UBE2G2: variants seen among roughly 807,000 people sequenced by gnomAD.
UBE2G2 encodes the protein ubiquitin conjugating enzyme E2 G2, also known as ubiquitin-conjugating enzyme E2 G2.
A neutral mutation model predicts 23.0 loss-of-function variants in UBE2G2; 10 were observed. The observed-to-expected ratio is 0.43, with a 90% CI of 0.27 to 0.74. UBE2G2 has a LOEUF of 0.74. Among genes scored for constraint, UBE2G2 ranks in the 30% least tolerant of loss-of-function variants. UBE2G2 has a pLI of 0.19. For synonymous variants in UBE2G2, 86 were observed against 81.3 expected (o/e 1.06, Z -0.31); for missense variants, 150 against 218.3 (o/e 0.69, Z 1.97).
chr21:44,796,994 C>T (rs1430281123), intron 1 of UBE2G2, among the ~76,000 whole-genome samples: 4 of 152,320 alleles, frequency 2.6e-5, no homozygotes, highest in East Asian at 1.9e-4. Context: ...GGATCCTTCA[C>T]GGTAATCCAG....
intron 3 of UBE2G2, chr21:44,785,756 A>G (rs2072719705): frequency 6.6e-6 from 1 of 152,218 alleles, no homozygotes; most frequent in African/African-American, 2.4e-5. Context: ...AGGCATTTTA[A>G]GTGCACTTGT....
At chr21:44,779,348 C>G (rs1295688330) in intron 3 of UBE2G2, 2 of 141,930 alleles carry the variant, frequency 1.4e-5, no homozygotes, top group Middle Eastern at 1.0e-3. Context: ...CGAATATGGC[C>G]ACTTTGTTTT....
At position 44,771,316 on chromosome 21, in the gene UBE2G2, T is replaced by C. The variant is rs1020072658; in HGVS notation, c.*61A>G. ...AGCACAGAGCATCACTGTCACTAAG[T>C]GTGCCGGGGGAGAATGCTGAGCTGC... On this transcript the variant is annotated 3_prime_UTR_variant, in exon 6 of 6. Transcript: ENST00000345496. This position sits in a 1 kb window ranked among gnomAD's most constrained non-coding sequence, Gnocchi z 4.6. 9 of 1,480,742 alleles carry C rather than the reference T, an allele frequency of 6.1e-6. No homozygotes were observed. The African/African-American group carries it at 9.7e-5, about 16-fold the overall frequency. 91.7% of individuals were successfully genotyped at this position (1,480,742 alleles called of 1,614,324 possible).
chr21:44,779,025 C>T (rs1555960966), intron 3 of UBE2G2: 1 of 178,670 alleles, frequency 5.6e-6, no homozygotes, highest in Non-Finnish European at 1.2e-5. Flanking sequence ...TTTTAAAAAT[C>T]TTAAAATTAT....
intron 1 of UBE2G2, among the ~76,000 whole-genome samples, chr21:44,792,895 G>C (rs1723671881): frequency 6.6e-6 from 1 of 152,258 alleles, no homozygotes; most frequent in Admixed American, 6.5e-5. Context: ...CCAAAGGCAA[G>C]TGCTGGCCCC....
intron 2 of UBE2G2, 38 bp downstream of exon 2, chr21:44,788,022 A>G: frequency 6.2e-7 from 1 of 1,612,216 alleles, no homozygotes; most frequent in South Asian, 1.1e-5. Flanking sequence ...TTTGGCAATT[A>G]AAAGTAAATT....
At chr21:44,791,495 G>C (rs1235392969) in intron 1 of UBE2G2, among the ~76,000 whole-genome samples, 1 of 152,226 alleles carries the variant, frequency 6.6e-6, no homozygotes, top group Non-Finnish European at 1.5e-5. Context: ...GCTTCAGAGA[G>C]TACAAACCCC....
In UBE2G2 at chr21:44,772,826, CTGTT is replaced by C. The variant is rs1555960104; in HGVS notation, c.385+717_385+720del. ...AGGCTACTGCAACACCACGATGTCT[CTGTT>C]TGTCTTCCATCACACTATTGGTTAC... On this transcript the variant is annotated intron_variant, in intron 5 of 5. Coordinates refer to ENST00000345496, the MANE Select transcript of UBE2G2 (RefSeq NM_003343.6). The surrounding 1 kb of genome is among the most constrained non-coding windows in gnomAD (Gnocchi z 5.4). Among the ~76,000 whole-genome samples, 1 of 152,168 alleles carries C rather than the reference CTGTT, an allele frequency of 6.6e-6. No individual in the cohort carries two copies. Among genetic ancestry groups the C allele is most frequent in the African/African-American group, 2.4e-5 (1 of 41,432 alleles).
chr21:44,788,219 A>T, intron 1 of UBE2G2, 124 bp from the exon 2 acceptor site: 1 of 906,434 alleles, frequency 1.1e-6, no homozygotes, highest in East Asian at 2.7e-5. Context: ...ACAAGTGAAA[A>T]TTCTGTTTGC....
At chr21:44,783,389 A>G (rs1299235426) in intron 3 of UBE2G2, among the ~76,000 whole-genome samples, 3 of 152,144 alleles carry the variant, frequency 2.0e-5, no homozygotes, top group Non-Finnish European at 4.4e-5. Context: ...TTTACTCCAC[A>G]CCCCAGCAAT....
In UBE2G2 at chr21:44,792,527, G is replaced by A. The variant is rs1045575998; in HGVS notation, c.44-4432C>T. 3.3e-5 allele frequency among the ~76,000 whole-genome samples: 5 copies of A among 152,294 alleles called. No homozygotes were observed. The East Asian group carries it at 9.6e-4, about 29-fold the overall frequency. ...GCTCTTCTCTCTCCTACCGCCTTGA[G>A]AAGAGGTCTGTTTCCCTTTCTGCCA... is the stretch of plus-strand genomic sequence containing the variant. On this transcript the variant is annotated intron_variant, in intron 1 of 5. Transcript: ENST00000345496.
At chr21:44,798,297 A>C (rs2083109645) in intron 1 of UBE2G2, among the ~76,000 whole-genome samples, 1 of 152,174 alleles carries the variant, frequency 6.6e-6, no homozygotes, top group African/African-American at 2.4e-5. Flanking sequence ...ATGACTGCTG[A>C]CTGATCAGGG....
intron 3 of UBE2G2, among the ~76,000 whole-genome samples, chr21:44,787,102 AAAG>A (rs1331204731): frequency 3.5e-4 from 54 of 152,156 alleles, no homozygotes; most frequent in African/African-American, 1.0e-3. Flanking sequence ...CAAAAAAAAA[AAAG>A]AAAGAAAGAA....
intron 1 of UBE2G2, among the ~76,000 whole-genome samples, chr21:44,795,203 C>T (rs782610360): frequency 1.3e-5 from 2 of 152,008 alleles, no homozygotes; most frequent in Non-Finnish European, 2.9e-5. Flanking sequence ...GCAGATGTTG[C>T]AGTGAGCTGA....
chr21:44,775,193 C>A (rs73232942), intron 4 of UBE2G2: 12,689 of 154,508 alleles, frequency 0.082, 644 homozygotes, highest in Non-Finnish European at 0.11. Context: ...TCACTTCCTG[C>A]GCTGGGCCTT....
intron 1 of UBE2G2, 103 bp downstream of exon 1, chr21:44,801,603 G>C: frequency 2.2e-6 from 3 of 1,385,188 alleles, no homozygotes; most frequent in Non-Finnish European, 2.8e-6. Flanking sequence ...GAGGCCCCGG[G>C]CCCGGCTCCC....
At chr21:44,790,796 A>T (rs782340578) in intron 1 of UBE2G2, among the ~76,000 whole-genome samples, 9 of 152,224 alleles carry the variant, frequency 5.9e-5, no homozygotes, top group Admixed American at 1.3e-4. Context: ...TGAATACAGT[A>T]AATTGGTACC....
intron 3 of UBE2G2, 121 bp from the exon 4 acceptor site, chr21:44,777,538 T>G (rs1400513407): frequency 6.4e-6 from 6 of 939,614 alleles, no homozygotes; most frequent in Non-Finnish European, 1.0e-5. Context: ...CCGGGTGCGG[T>G]GGCTCACGCC....
At chr21:44,778,257 A>G (rs1555960848) in intron 3 of UBE2G2, among the ~76,000 whole-genome samples, 2 of 152,252 alleles carry the variant, frequency 1.3e-5, no homozygotes, top group African/African-American at 4.8e-5. Context: ...TGAAGAGCAC[A>G]TGTGATCACT....
Sources: gnomAD v4.1 joint callset for allele counts (sites outside exome capture counted in the v4.1 genomes callset) on GRCh38, gnomAD v4.1.1 for gene constraint, Gnocchi (gnomAD v3.1) non-coding constraint, MANE v1.5 for transcripts, NCBI Gene and HGNC (gene_info 2026-07-23, HGNC 2026-07-21) for gene names.